Variants in ALMS1 observed in about 807,000 individuals in gnomAD.
The protein encoded by ALMS1 is centrosome-associated protein ALMS1.
ALMS1 carries 271 observed loss-of-function variants against 352.2 expected under a neutral mutation model. The observed-to-expected ratio is 0.77, with a 90% CI of 0.70 to 0.85. The LOEUF is 0.85. Ranked by LOEUF, ALMS1 falls within the 40% of genes least tolerant of loss-of-function variation. The pLI, the probability that ALMS1 is intolerant of heterozygous loss-of-function variation, is 0.00. For missense variants in ALMS1, 5,445 were observed against 4,870.7 expected (o/e 1.12, Z -3.51); for synonymous variants, 1,865 against 1,761.2 (o/e 1.06, Z -1.48).
intron 21 of ALMS1, among the ~76,000 whole-genome samples, chr2:73,605,870 C>T (rs897395377): frequency 1.3e-5 from 2 of 151,640 alleles, no homozygotes; most frequent in African/African-American, 2.4e-5. Flanking sequence ...AGAAAAGAAA[C>T]TATCACTTAT....
chr2:73,600,797 G>C lies in ALMS1; in HGVS notation c.11788G>C (p.Glu3930Gln). 6.2e-7 allele frequency: 1 copy of C among 1,614,212 alleles called. No individual in the cohort carries two copies. The highest frequency in any genetic ancestry group is 8.5e-7 in the Non-Finnish European group (1 of 1,180,028). ...EENSDVTSWS[E>Q]EKREEKMLFT... is the part of the protein sequence containing the mutation. ...GAACAGTGATGTGACTTCTTGGTCA[G>C]AAGAAAAACGTGAAGAGAAAATGCT... The change falls in exon 18 of 23, where the codon GAA (glutamate) becomes CAA (glutamine). Residue 3930 changes from glutamate to glutamine, a missense_variant. Coordinates refer to ENST00000613296, the MANE Select transcript of ALMS1 (RefSeq NM_001378454.1).
intron 10 of ALMS1, among the ~76,000 whole-genome samples, chr2:73,517,587 G>A (rs940827001): frequency 2.6e-5 from 4 of 151,828 alleles, no homozygotes; most frequent in South Asian, 2.1e-4. Context: ...AAAGAAACAC[G>A]TATAGTAGAG....
intron 16 of ALMS1, among the ~76,000 whole-genome samples, chr2:73,585,726 C>CTTTTTT (rs58089734): frequency 0.26 from 30,369 of 118,464 alleles, 5,202 homozygotes; most frequent in African/African-American, 0.46. Flanking sequence ...ACTTCTTGGC[C>CTTTTTT]TTTTTTTTTT....
chr2:73,390,001 A>G (rs1670610195), intron 1 of ALMS1, among the ~76,000 whole-genome samples: 2 of 152,130 alleles, frequency 1.3e-5, no homozygotes, highest in South Asian at 2.1e-4. Context: ...ATCGTGAACT[A>G]TCTATGGGTA....
In ALMS1 at chr2:73,557,088, G is replaced by A. The variant is rs573918531; in HGVS notation, c.10079-132G>A. ...TCATGTCACAGTTTTTACACAGGTG[G>A]AGCCTAAGAGGTACTTTTTTCCTAA... On this transcript the variant is annotated intron_variant, in intron 13 of 22. Coordinates refer to ENST00000613296, the MANE Select transcript of ALMS1 (RefSeq NM_001378454.1). 10 of 1,197,018 alleles carry A rather than the reference G, an allele frequency of 8.4e-6. No homozygotes were observed. In the East Asian group the frequency reaches 1.9e-4, roughly 22 times the overall value. The allele number at this position is 1,197,018 out of a possible 1,614,324, so 74.1% of individuals were successfully genotyped here.
intron 16 of ALMS1, among the ~76,000 whole-genome samples, chr2:73,588,040 CA>C (rs1169794250): frequency 1.3e-5 from 2 of 151,690 alleles, no homozygotes; most frequent in Middle Eastern, 3.4e-3. Flanking sequence ...AAACTGCTAA[CA>C]AAAAAAAGTC....
Position 73,449,062 on chromosome 2 carries a change from C to T in ALMS1, c.2535C>T (p.Asp845=), listed in dbSNP as rs77517267. The change falls in exon 8 of 23, where the codon GAC becomes GAT. Residue 845 remains aspartate, a synonymous_variant. Transcript: ENST00000613296. ...TTTCAGCTGTTTCTGGACCAGCTGACGGAAAGACTGGGACACCAGCTGTAA... is the reference window on the plus strand; with the variant it reads ...TTTCAGCTGTTTCTGGACCAGCTGATGGAAAGACTGGGACACCAGCTGTAA... ...LKVSAVSGPA[D]GKTGTPAVTS... 10,114 of 1,614,074 alleles carry T rather than the reference C, an allele frequency of 6.3e-3. 543 individuals are homozygous for T. In the African/African-American group the frequency reaches 0.12, roughly 18 times the overall value.
At position 73,448,384 on chromosome 2, in the gene ALMS1, T is replaced by C; in HGVS notation, c.1857T>C (p.Ser619=). Residue 619 remains serine (S), a synonymous_variant, in exon 8 of 23, where the codon TCT becomes TCC. Transcript: ENST00000613296. ...CAACTGGCATGTCAACTCTAACCTC[T>C]ACTTCCTACTCACATAGAGAGAAGC... is the stretch of plus-strand genomic sequence containing the variant. ...DQTTGMSTLT[S]TSYSHREKPG... is the part of the protein sequence containing the mutation. 6.2e-7 allele frequency: 1 copy of C among 1,614,078 alleles called. No individual in the cohort carries two copies. The highest frequency in any genetic ancestry group is 8.5e-7 in the Non-Finnish European group (1 of 1,179,950).
At chr2:73,458,730 A>C (rs1672125120) in intron 9 of ALMS1, 1 of 152,336 alleles carries the variant, frequency 6.6e-6, no homozygotes, top group African/African-American at 2.4e-5. Flanking sequence ...AGGGAGTGTT[A>C]AAGGAAAGGG....
intron 21 of ALMS1, among the ~76,000 whole-genome samples, chr2:73,606,644 A>G (rs887869162): frequency 2.6e-5 from 4 of 152,106 alleles, no homozygotes; most frequent in African/African-American, 9.7e-5. Context: ...GCCTCTTTTC[A>G]AGGGAGTGAT....
chr2:73,490,705 C>T lies in ALMS1; in HGVS notation c.8746C>T (p.Pro2916Ser), dbSNP rs1672962698. 1 of 1,613,954 alleles carries T rather than the reference C, an allele frequency of 6.2e-7. No individual in the cohort carries two copies. Among genetic ancestry groups the T allele is most frequent in the African/African-American group, 1.3e-5 (1 of 74,886 alleles). ...TCCTCAACATCAGGATTATGTAGCTCCAGACCTTCCTTCTTGCATTTTTCT... is the reference window on the plus strand; with the variant it reads ...TCCTCAACATCAGGATTATGTAGCTTCAGACCTTCCTTCTTGCATTTTTCT... ...PSPQHQDYVA[P>S]DLPSCIFLEQ... The change falls in exon 10 of 23, where the codon CCA (proline) becomes TCA (serine). Residue 2916 changes from proline to serine, a missense_variant. Coordinates refer to ENST00000613296, the MANE Select transcript of ALMS1 (RefSeq NM_001378454.1).
In ALMS1 at chr2:73,432,281, T is replaced by G; in HGVS notation, c.1422T>G (p.His474Gln). Residue 474 changes from histidine to glutamine, a missense_variant, in exon 7 of 23, where the codon CAT becomes CAG. By Grantham distance (24) the His-to-Gln change is conservative (BLOSUM62 0). Coordinates refer to ENST00000613296, the MANE Select transcript of ALMS1 (RefSeq NM_001378454.1). ...ACACTGTGCCAAAGGCTCCTAAACA[T>G]TTAAAAGCAGGTACGTAGAAAAAGG... ...SPDTVPKAPK[H>Q]LKAGDTSKGG... 1.2e-6 allele frequency: 2 copies of G among 1,610,238 alleles called. No homozygotes were observed. Among genetic ancestry groups the G allele is most frequent in the Non-Finnish European group, 1.7e-6 (2 of 1,176,624 alleles).
In ALMS1 at chr2:73,449,443, TGATCTACCTAGA is replaced by T; in HGVS notation, c.2919_2930del (p.Asp973_Arg976del). 1.2e-6 allele frequency: 2 copies of T among 1,614,092 alleles called. No individual in the cohort carries two copies. Among genetic ancestry groups the T allele is most frequent in the South Asian group, 2.2e-5 (2 of 91,088 alleles). On this transcript the variant is annotated inframe_deletion, in exon 8 of 23. Coordinates refer to ENST00000613296, the MANE Select transcript of ALMS1 (RefSeq NM_001378454.1). ...TCTACCAGCAAGAGTTGCCAGACAG[TGATCTACCTAGA>T]GAATCTCTGAAAATGTCTGCTATTC...
chr2:73,532,899 C>G (rs1424078911), intron 11 of ALMS1, among the ~76,000 whole-genome samples: 1 of 152,184 alleles, frequency 6.6e-6, no homozygotes. Context: ...CTGGCTACCA[C>G]TGCTCACTAT....
At chr2:73,427,289 C>T (rs1671400248) in intron 6 of ALMS1, among the ~76,000 whole-genome samples, 1 of 152,034 alleles carries the variant, frequency 6.6e-6, no homozygotes, top group African/African-American at 2.4e-5. Context: ...ATTGTAAGAC[C>T]CATGTTTGAC....
intron 2 of ALMS1, among the ~76,000 whole-genome samples, chr2:73,417,808 CTTAA>C (rs762252567): frequency 1.4e-4 from 21 of 152,102 alleles, no homozygotes; most frequent in Non-Finnish European, 1.9e-4. Context: ...ATAGACTATA[CTTAA>C]TTATTAACTA....
chr2:73,385,967 G>T lies in ALMS1; in HGVS notation c.99G>T (p.Ala33=). 6.6e-7 allele frequency: 1 copy of T among 1,504,824 alleles called. No individual in the cohort carries two copies. Among genetic ancestry groups the T allele is most frequent in the South Asian group, 1.2e-5 (1 of 82,310 alleles). 93.2% of individuals were successfully genotyped at this position (1,504,824 alleles called of 1,614,324 possible). ...AAGAGGAGGAGGCTGCAGCGGCGGC[G>T]GCGGCGAACGTGGACGACGTAGTGG... ...EEEEEEAAAA[A]AANVDDVVVV... Residue 33 remains alanine, a synonymous_variant, in exon 1 of 23, where the codon GCG becomes GCT. Coordinates refer to ENST00000613296, the MANE Select transcript of ALMS1 (RefSeq NM_001378454.1).
At chr2:73,607,641 T>A (rs547314778) in intron 21 of ALMS1, among the ~76,000 whole-genome samples, 2 of 152,038 alleles carry the variant, frequency 1.3e-5, no homozygotes, top group African/African-American at 4.8e-5. Flanking sequence ...ATTATTTTTT[T>A]ATTATTATTA....
intron 13 of ALMS1, among the ~76,000 whole-genome samples, chr2:73,554,187 T>A: frequency 7.0e-6 from 1 of 142,428 alleles, no homozygotes; most frequent in Non-Finnish European, 1.5e-5. Flanking sequence ...AAATACTGAC[T>A]AAAGAAAAGC....
Sources: allele counts gnomAD v4.1 joint callset (sites outside exome capture counted in the v4.1 genomes callset), GRCh38; gene constraint gnomAD v4.1.1; transcripts MANE v1.5; gene names NCBI Gene and HGNC (gene_info 2026-07-23, HGNC 2026-07-21).